Variants in TCN2 observed in about 807,000 individuals in gnomAD.
TCN2 encodes the protein transcobalamin 2, also known as transcobalamin-2.
Under a neutral mutation model 48.6 loss-of-function variants are expected in TCN2, and 34 were observed. That is an observed-to-expected ratio of 0.70 (90% CI 0.53 to 0.93). TCN2 has a LOEUF of 0.93. TCN2 is among the 40% of genes least tolerant of loss of function. The pLI, the probability that TCN2 is intolerant of heterozygous loss-of-function variation, is 0.00. For synonymous variants in TCN2, 283 were observed against 212.5 expected (o/e 1.33, Z -2.89); for missense variants, 652 against 526.1 (o/e 1.24, Z -2.34).
In TCN2 at chr22:30,623,937, T is replaced by C. The variant is rs1270409958; in HGVS notation, c.1222+854T>C. On this transcript the variant is annotated intron_variant, in intron 8 of 8. Transcript: ENST00000215838. Reference sequence around the variant, plus strand: ...ACACACATATATATGTATACATATATACACACACACATATGTATACATATA... The same window carrying C: ...ACACACATATATATGTATACATATACACACACACACATATGTATACATATA... 4.7e-5 allele frequency among the ~76,000 whole-genome samples: 3 copies of C among 64,196 alleles called. 1 individual carries two copies. The highest frequency in any genetic ancestry group is 6.7e-4 in the South Asian group (2 of 2,986). 42.1% of individuals were successfully genotyped at this position (64,196 alleles called of 152,430 possible). A position where few individuals can be genotyped will look rare whatever the true frequency, so the allele number is the denominator to read the frequency against.
intron 8 of TCN2, 73 bp downstream of exon 8, chr22:30,623,156 A>C (rs1001082362): frequency 2.0e-6 from 3 of 1,493,380 alleles, no homozygotes; most frequent in South Asian, 1.1e-5. Context: ...TCATCAACTC[A>C]CCCCAGCTTT....
intron 2 of TCN2, 75 bp downstream of exon 2, chr22:30,611,138 C>T: frequency 6.3e-6 from 10 of 1,593,840 alleles, no homozygotes; most frequent in Non-Finnish European, 8.6e-6. Context: ...TAGTTTGGGC[C>T]TGTCACCACT....
Position 30,615,386 on chromosome 22 carries a change from C to T in TCN2, c.666C>T (p.Ala222=), listed in dbSNP as rs1298870517. 1.2e-6 allele frequency: 2 copies of T among 1,614,170 alleles called. No individual in the cohort carries two copies. Among genetic ancestry groups the T allele is most frequent in the South Asian group, 1.1e-5 (1 of 91,082 alleles). The change falls in exon 5 of 9, where the codon GCC becomes GCT. Residue 222 remains alanine, a synonymous_variant. Coordinates refer to ENST00000215838, the MANE Select transcript of TCN2 (RefSeq NM_000355.4). Reference sequence around the variant, plus strand: ...GTCGGAGACAACGGATCACCATGGCCATCAGAACAGTGCGAGAGGAGATCT... The same window carrying T: ...GTCGGAGACAACGGATCACCATGGCTATCAGAACAGTGCGAGAGGAGATCT... ...NPGRRQRITM[A]IRTVREEILK...
At chr22:30,618,472 C>T (rs541558032) in intron 7 of TCN2, among the ~76,000 whole-genome samples, 2 of 152,284 alleles carry the variant, frequency 1.3e-5, no homozygotes, top group South Asian at 4.1e-4. Flanking sequence ...CTGCCTCAGC[C>T]TCCTGAGTAG....
At chr22:30,610,623 C>T (rs193076357) in intron 1 of TCN2, among the ~76,000 whole-genome samples, 17 of 152,054 alleles carry the variant, frequency 1.1e-4, no homozygotes, top group African/African-American at 3.1e-4. Context: ...GCAGTAGCAT[C>T]CTCTATCTTC....
At chr22:30,624,523 C>T (rs903133129) in intron 8 of TCN2, among the ~76,000 whole-genome samples, 3 of 137,898 alleles carry the variant, frequency 2.2e-5, no homozygotes, top group African/African-American at 7.6e-5. Flanking sequence ...TCTGAGGGAG[C>T]CCACAAAAAA....
intron 4 of TCN2, 89 bp from the exon 5 acceptor site, chr22:30,615,212 A>G (rs1296393006): frequency 5.6e-6 from 8 of 1,441,316 alleles, no homozygotes; most frequent in Admixed American, 5.1e-5. Flanking sequence ...GTGGTTGTCC[A>G]TAGCTACAAG....
chr22:30,623,293 T>TAAA, intron 8 of TCN2: 2 of 477,496 alleles, frequency 4.2e-6, no homozygotes, highest in South Asian at 3.1e-5. Context: ...ACCAGACAGA[T>TAAA]TACAAAAAAA....
intron 1 of TCN2, among the ~76,000 whole-genome samples, chr22:30,609,651 A>G (rs1334685936): frequency 6.6e-6 from 1 of 152,180 alleles, no homozygotes; most frequent in Non-Finnish European, 1.5e-5. Flanking sequence ...AGAGAGCCTC[A>G]CACATTGAGT....
At position 30,612,882 on chromosome 22, in the gene TCN2, C is replaced by T. The variant is rs769530701; in HGVS notation, c.267C>T (p.Phe89=). 6 of 1,613,702 alleles carry T rather than the reference C, an allele frequency of 3.7e-6. No homozygotes were observed. The highest frequency in any genetic ancestry group is 5.1e-6 in the Non-Finnish European group (6 of 1,180,020). Residue 89 remains phenylalanine (F), a synonymous_variant, in exon 3 of 9, where the codon TTC becomes TTT. Coordinates refer to ENST00000215838, the MANE Select transcript of TCN2 (RefSeq NM_000355.4). ...GYQQCLLGSA[F]SEDDGDCQGK... is the part of the protein sequence containing the mutation. Reference sequence around the variant, plus strand: ...ACTGGCCTTGTCCTAGGTCTGCCTTCAGCGAGGATGACGGTGACTGCCAGG... The same window carrying T: ...ACTGGCCTTGTCCTAGGTCTGCCTTTAGCGAGGATGACGGTGACTGCCAGG...
At chr22:30,618,263 GT>G (rs1052652742) in intron 7 of TCN2, among the ~76,000 whole-genome samples, 2 of 92,364 alleles carry the variant, frequency 2.2e-5, no homozygotes, top group Admixed American at 1.2e-4. Context: ...ATAATAACTG[GT>G]TTTTTTTGTT....
chr22:30,625,470 T>TC (rs1261924083), intron 8 of TCN2, among the ~76,000 whole-genome samples: 14 of 149,260 alleles, frequency 9.4e-5, no homozygotes, highest in African/African-American at 3.4e-4. Flanking sequence ...TACTTAAAAA[T>TC]TTTTTTTTTT....
At chr22:30,622,941 C>T (rs1395899817) in intron 7 of TCN2, 27 bp from the exon 8 acceptor site, 3 of 1,609,498 alleles carry the variant, frequency 1.9e-6, no homozygotes, top group Non-Finnish European at 2.6e-6. Context: ...CACCTCTTCT[C>T]TCCCCATTTG....
At position 30,617,507 on chromosome 22, in the gene TCN2, A is replaced by C; in HGVS notation, c.1106+12A>C. On this transcript the variant is annotated intron_variant, in intron 7 of 8. Transcript: ENST00000215838. Reference sequence around the variant, plus strand: ...TTAGGAGGATTCACGTGAGACTCCCACCTCCCAGTCCTCACCCCACCCAAC... The same window carrying C: ...TTAGGAGGATTCACGTGAGACTCCCCCCTCCCAGTCCTCACCCCACCCAAC... 6.2e-7 allele frequency: 1 copy of C among 1,613,872 alleles called. No individual in the cohort carries two copies. The highest frequency in any genetic ancestry group is 8.5e-7 in the Non-Finnish European group (1 of 1,179,980).
At position 30,612,890 on chromosome 22, in the gene TCN2, A is replaced by G; in HGVS notation, c.275A>G (p.Asp92Gly). Residue 92 changes from aspartate (D) to glycine (G), a missense_variant, in exon 3 of 9, where the codon GAT becomes GGT. Coordinates refer to ENST00000215838, the MANE Select transcript of TCN2 (RefSeq NM_000355.4). The part of the protein sequence containing the change: ...QCLLGSAFSE[D>G]DGDCQGKPSM... Reference sequence around the variant, plus strand: ...TGTCCTAGGTCTGCCTTCAGCGAGGATGACGGTGACTGCCAGGGCAAGCCT... The same window carrying G: ...TGTCCTAGGTCTGCCTTCAGCGAGGGTGACGGTGACTGCCAGGGCAAGCCT... 1 of 1,613,894 alleles carries G rather than the reference A, an allele frequency of 6.2e-7. No individual in the cohort carries two copies. The highest frequency in any genetic ancestry group is 8.5e-7 in the Non-Finnish European group (1 of 1,180,026).
chr22:30,614,532 C>T (rs1278126847), intron 4 of TCN2, 31 bp downstream of exon 4: 1 of 1,613,508 alleles, frequency 6.2e-7, no homozygotes, highest in Non-Finnish European at 8.5e-7. Flanking sequence ...CAAGGCCAGG[C>T]TGGCACTCCC....
Position 30,624,136 on chromosome 22 carries a change from G to A in TCN2, c.1222+1053G>A, listed in dbSNP as rs544128695. ...GTTGCCCAGGCCGGAGTACAATGGC[G>A]AGGTCTCAGCTCACTGCAGCCTCTG... On this transcript the variant is annotated intron_variant, in intron 8 of 8. Transcript: ENST00000215838. Among the ~76,000 whole-genome samples, 4 of 149,174 alleles carry A rather than the reference G, an allele frequency of 2.7e-5. No homozygotes were observed. In the East Asian group the frequency reaches 7.9e-4, roughly 29 times the overall value.
rs756185555 is a variant in TCN2, at chr22:30,611,056, C to T, written c.250C>T (p.Leu84Phe). The change falls in exon 2 of 9, where the codon CTC becomes TTC. Residue 84 changes from leucine (L) to phenylalanine (F), a missense_variant. Coordinates refer to ENST00000215838, the MANE Select transcript of TCN2 (RefSeq NM_000355.4). The stretch of plus-strand genomic sequence containing the variant: ...CCTCAAGCTTGGTTACCAGCAGTGC[C>T]TCCTAGGGTATTGCCACACTCTCTT... ...HSLKLGYQQCLLGSAFSEDDG... is the reference protein window; with the variant it reads ...HSLKLGYQQCFLGSAFSEDDG... 2 of 1,614,008 alleles carry T rather than the reference C, an allele frequency of 1.2e-6. No individual in the cohort carries two copies. Among genetic ancestry groups the T allele is most frequent in the South Asian group, 1.1e-5 (1 of 91,074 alleles).
At chr22:30,626,383 G>C in intron 8 of TCN2, 77 bp from the exon 9 acceptor site, 1 of 1,464,620 alleles carries the variant, frequency 6.8e-7, no homozygotes, top group Non-Finnish European at 9.5e-7. Context: ...GCCTCAGGGT[G>C]GGGGGTCTGG....
Sources: allele counts gnomAD v4.1 joint callset (sites outside exome capture counted in the v4.1 genomes callset), GRCh38; gene constraint gnomAD v4.1.1; transcripts MANE v1.5; gene names NCBI Gene and HGNC (gene_info 2026-07-23, HGNC 2026-07-21).